The following SLC9C2 variants were observed in gnomAD, a reference collection of about 807,000 sequenced individuals.
The protein encoded by SLC9C2 is solute carrier family 9 member C2 (putative).
In SLC9C2, 75 loss-of-function variants were observed where a neutral mutation model predicts 140.2. The ratio of observed to expected loss-of-function variants is 0.53; its 90% CI spans 0.44 to 0.65. SLC9C2 has a LOEUF of 0.65. SLC9C2 is among the 30% of genes least tolerant of loss of function. SLC9C2 has a pLI of 0.00. For synonymous variants in SLC9C2, 375 were observed against 420.9 expected (o/e 0.89, Z 1.34); for missense variants, 1,074 against 1,331.8 (o/e 0.81, Z 3.01).
At chr1:173,583,834 G>A (rs975392170) in intron 5 of SLC9C2, among the ~76,000 whole-genome samples, 1 of 152,184 alleles carries the variant, frequency 6.6e-6, no homozygotes, top group African/African-American at 2.4e-5. Context: ...GAAACATGGC[G>A]ATAGCACTGC....
intron 26 of SLC9C2, among the ~76,000 whole-genome samples, chr1:173,503,611 G>A (rs997400960): frequency 7.2e-5 from 11 of 152,156 alleles, no homozygotes; most frequent in Admixed American, 5.2e-4. Context: ...GCAAGCTGCA[G>A]AGCATCTGCT....
intron 23 of SLC9C2, among the ~76,000 whole-genome samples, chr1:173,510,683 G>A (rs926677762): frequency 6.6e-6 from 1 of 152,134 alleles, no homozygotes; most frequent in Non-Finnish European, 1.5e-5. Flanking sequence ...TTTTATGGCT[G>A]CACAGTATTC....
intron 3 of SLC9C2, among the ~76,000 whole-genome samples, chr1:173,598,916 T>C (rs1034835748): frequency 1.3e-5 from 2 of 152,180 alleles, no homozygotes; most frequent in African/African-American, 4.8e-5. Flanking sequence ...AATAAAGGAA[T>C]GAGTGGAGGC....
intron 11 of SLC9C2, among the ~76,000 whole-genome samples, chr1:173,553,686 G>A (rs1473515664): frequency 6.6e-6 from 1 of 152,194 alleles, no homozygotes; most frequent in Non-Finnish European, 1.5e-5. Flanking sequence ...ACAGTATAGT[G>A]TAAACACAAC....
chr1:173,581,731 A>T, intron 7 of SLC9C2, 116 bp downstream of exon 7: 1 of 744,694 alleles, frequency 1.3e-6, no homozygotes, highest in Non-Finnish European at 2.0e-6. Context: ...ATATGACAGG[A>T]CACACAGTGG....
At chr1:173,524,700 C>T in intron 20 of SLC9C2, 79 bp downstream of exon 20, 1 of 1,494,656 alleles carries the variant, frequency 6.7e-7, no homozygotes, top group South Asian at 1.3e-5. Context: ...ACAATTTTTT[C>T]AATCTCCCTC....
At chr1:173,568,573 T>C (rs1664645610) in intron 9 of SLC9C2, among the ~76,000 whole-genome samples, 1 of 152,224 alleles carries the variant, frequency 6.6e-6, no homozygotes, top group Non-Finnish European at 1.5e-5. Context: ...CTATTGTGAA[T>C]AGTGCTGCAA....
intron 5 of SLC9C2, 44 bp downstream of exon 5, chr1:173,587,621 C>A (rs775407480): frequency 6.7e-7 from 1 of 1,503,556 alleles, no homozygotes; most frequent in South Asian, 1.2e-5. Flanking sequence ...AAATAATGTA[C>A]CCTTATATTT....
At chr1:173,515,675 T>G (rs1228413784) in intron 23 of SLC9C2, among the ~76,000 whole-genome samples, 1 of 152,226 alleles carries the variant, frequency 6.6e-6, no homozygotes, top group Non-Finnish European at 1.5e-5. Flanking sequence ...TTCATCCATC[T>G]TGTCCTCCAT....
chr1:173,517,853 A>G (rs565947602), intron 22 of SLC9C2, 149 bp from the exon 23 acceptor site: 1 of 662,278 alleles, frequency 1.5e-6, no homozygotes, highest in Admixed American at 3.7e-5. Flanking sequence ...CTTAAGAAAA[A>G]AAAATCATGA....
At chr1:173,545,707 G>A (rs1403911447) in intron 13 of SLC9C2, among the ~76,000 whole-genome samples, 1 of 152,164 alleles carries the variant, frequency 6.6e-6, no homozygotes, top group African/African-American at 2.4e-5. Context: ...GGAAAAGGGT[G>A]AGTCTGTTTT....
At chr1:173,503,354 A>G in intron 26 of SLC9C2, 28 bp from the exon 27 acceptor site, 1 of 1,601,510 alleles carries the variant, frequency 6.2e-7, no homozygotes, top group Non-Finnish European at 8.5e-7. Flanking sequence ...TTGAACAGAA[A>G]AAGTAAATTA....
chr1:173,534,379 T>C (rs1424535976), intron 16 of SLC9C2, 105 bp downstream of exon 16: 8 of 1,209,998 alleles, frequency 6.6e-6, no homozygotes, highest in Admixed American at 3.3e-5. Flanking sequence ...TCAACTATCA[T>C]AGCAAATGGC....
chr1:173,517,517 T>C lies in SLC9C2; in HGVS notation c.2907+20A>G. 2 of 1,580,538 alleles carry C rather than the reference T, an allele frequency of 1.3e-6. No individual in the cohort carries two copies. Among genetic ancestry groups the C allele is most frequent in the Non-Finnish European group, 1.7e-6 (2 of 1,167,812 alleles). ...TACTTGAAGAATAATTAATAACTCA[T>C]GACAGAACCATTTTCCTACCTGTAA... On this transcript the variant is annotated intron_variant, in intron 23 of 27. Coordinates refer to ENST00000367714, the MANE Select transcript of SLC9C2 (RefSeq NM_178527.4).
intron 21 of SLC9C2, among the ~76,000 whole-genome samples, chr1:173,522,725 C>T (rs1312583889): frequency 6.6e-6 from 1 of 152,164 alleles, no homozygotes; most frequent in Non-Finnish European, 1.5e-5. Context: ...TGATGTTCTT[C>T]GGGCCCTCTG....
intron 13 of SLC9C2, among the ~76,000 whole-genome samples, chr1:173,538,930 T>A (rs993759287): frequency 6.6e-6 from 1 of 152,092 alleles, no homozygotes; most frequent in African/African-American, 2.4e-5. Flanking sequence ...TGTGAGATAC[T>A]CCTTCAACCC....
chr1:173,592,634 A>T lies in SLC9C2; in HGVS notation c.358-4804T>A, dbSNP rs145190774. 1.3e-3 allele frequency among the ~76,000 whole-genome samples: 191 copies of T among 152,294 alleles called. 1 individual carries two copies. The highest frequency in any genetic ancestry group is 4.5e-3 in the African/African-American group (188 of 41,560). On this transcript the variant is annotated intron_variant, in intron 4 of 27. Coordinates refer to ENST00000367714, the MANE Select transcript of SLC9C2 (RefSeq NM_178527.4). ...TTATGTCAATCGTGAATGAGATTGCATTCCTAATTTGGCTCTCAGCTTGGC... is the reference window on the plus strand; with the variant it reads ...TTATGTCAATCGTGAATGAGATTGCTTTCCTAATTTGGCTCTCAGCTTGGC...
intron 4 of SLC9C2, among the ~76,000 whole-genome samples, chr1:173,590,761 G>T (rs1248461720): frequency 2.6e-5 from 4 of 152,156 alleles, no homozygotes; most frequent in Non-Finnish European, 5.9e-5. Context: ...TACACAGTGG[G>T]TATGCTGGCC....
At chr1:173,542,287 C>A (rs575247749) in intron 13 of SLC9C2, among the ~76,000 whole-genome samples, 9 of 151,716 alleles carry the variant, frequency 5.9e-5, no homozygotes, top group Admixed American at 2.0e-4. Flanking sequence ...TGGACACATA[C>A]ACCCTCCCAA....
Sources: gnomAD v4.1 joint callset for allele counts (sites outside exome capture counted in the v4.1 genomes callset) on GRCh38, gnomAD v4.1.1 for gene constraint, MANE v1.5 for transcripts, NCBI Gene and HGNC (gene_info 2026-07-23, HGNC 2026-07-21) for gene names.